CYP20A1: variants seen among roughly 807,000 people sequenced by gnomAD.
CYP20A1 encodes the protein cytochrome P450 family 20 subfamily A member 1.
In CYP20A1, 61 loss-of-function variants were observed where a neutral mutation model predicts 61.4. That is an observed-to-expected ratio of 0.99 (90% CI 0.81 to 1.23). The LOEUF is 1.23. Among genes scored for constraint, CYP20A1 ranks in the 50% most tolerant of loss-of-function variants. The pLI is 0.00. For missense variants in CYP20A1, 530 were observed against 542.4 expected, an observed-to-expected ratio of 0.98 and a Z score of 0.23; for synonymous variants, 193 against 188.2, an observed-to-expected ratio of 1.03 and a Z score of -0.21.
intron 1 of CYP20A1, among the ~76,000 whole-genome samples, chr2:203,239,370 C>G (rs1026433880): frequency 6.6e-6 from 1 of 151,996 alleles, no homozygotes; most frequent in African/African-American, 2.4e-5. Context: ...GCCAGGCGGG[C>G]GTAGAGCTGC....
At chr2:203,267,272 C>T (rs1403153732) in intron 5 of CYP20A1, among the ~76,000 whole-genome samples, 1 of 152,156 alleles carries the variant, frequency 6.6e-6, no homozygotes, top group Non-Finnish European at 1.5e-5. Flanking sequence ...GTGGCTCACA[C>T]CTGTAATCCC....
rs751995409 is a variant in CYP20A1, at chr2:203,266,659, G to A, written c.578G>A (p.Arg193His). 3.1e-6 allele frequency: 5 copies of A among 1,613,790 alleles called. No individual in the cohort carries two copies. Among genetic ancestry groups the A allele is most frequent in the East Asian group, 2.2e-5 (1 of 44,900 alleles). The change falls in exon 5 of 13, where the codon CGC becomes CAC. Residue 193 changes from arginine to histidine, a missense_variant. Arg to His is a conservative substitution (Grantham distance 29, BLOSUM62 0). Coordinates refer to ENST00000356079, the MANE Select transcript of CYP20A1 (RefSeq NM_177538.3). Reference protein sequence around the residue: ...STFEDDQEVIRFQKNHGTVWS... With the variant: ...STFEDDQEVIHFQKNHGTVWS... Reference sequence around the variant, plus strand: ...TTTGAAGATGATCAGGAAGTCATTCGCTTCCAGAAGAATCATGGCACAGTA... The same window carrying A: ...TTTGAAGATGATCAGGAAGTCATTCACTTCCAGAAGAATCATGGCACAGTA...
intron 4 of CYP20A1, 74 bp downstream of exon 4, chr2:203,252,183 T>C: frequency 8.5e-7 from 1 of 1,177,858 alleles, no homozygotes; most frequent in Non-Finnish European, 1.1e-6. Context: ...TATTGGTGTG[T>C]ACTATCTTTG....
At chr2:203,276,355 C>A (rs1594833) in intron 6 of CYP20A1, among the ~76,000 whole-genome samples, 136,131 of 152,090 alleles carry the variant, frequency 0.9, 61,739 homozygotes, top group Non-Finnish European at 0.96. Flanking sequence ...GCAGAGTTAC[C>A]ATCTGAGTTA....
intron 11 of CYP20A1, among the ~76,000 whole-genome samples, chr2:203,292,625 A>G (rs1001258988): frequency 2.0e-5 from 3 of 152,016 alleles, no homozygotes; most frequent in African/African-American, 2.4e-5. Flanking sequence ...CGCCTGGTTC[A>G]TTTTTGTACT....
chr2:203,248,458 C>T (rs1484109715), intron 3 of CYP20A1, among the ~76,000 whole-genome samples: 16 of 151,594 alleles, frequency 1.1e-4, no homozygotes, highest in Non-Finnish European at 1.3e-4. Context: ...CTCTTGAACC[C>T]GGGAGGCAGA....
chr2:203,303,700 G>T lies in CYP20A1; in HGVS notation c.*6792G>T, dbSNP rs549204383. ...ACGAGCGAAAATCCGTCTCAACCAA[G>T]AAAAAAGAAAAAAAGAAAAAGAAAA... On this transcript the variant is annotated 3_prime_UTR_variant, in exon 13 of 13. Transcript: ENST00000356079. Among the ~76,000 whole-genome samples, 1 of 150,784 alleles carries T rather than the reference G, an allele frequency of 6.6e-6. No individual in the cohort carries two copies. The highest frequency in any genetic ancestry group is 2.0e-4 in the East Asian group (1 of 5,098).
intron 7 of CYP20A1, 59 bp downstream of exon 7, chr2:203,278,747 G>GC: frequency 1.1e-6 from 1 of 883,054 alleles, no homozygotes; most frequent in Non-Finnish European, 1.7e-6. Context: ...AGGCACAATG[G>GC]CTCATGACTG....
chr2:203,294,262 G>T (rs1321287997), intron 11 of CYP20A1, among the ~76,000 whole-genome samples: 1 of 151,794 alleles, frequency 6.6e-6, no homozygotes, highest in African/African-American at 2.4e-5. Flanking sequence ...AAAAATAATG[G>T]GCTGGGCACA....
chr2:203,259,343 T>G (rs1352420620), intron 4 of CYP20A1, among the ~76,000 whole-genome samples: 1 of 152,138 alleles, frequency 6.6e-6, no homozygotes, highest in East Asian at 1.9e-4. Context: ...TCCCCAGTGT[T>G]GGGGGTGGGG....
intron 7 of CYP20A1, among the ~76,000 whole-genome samples, chr2:203,279,763 A>G (rs559809638): frequency 1.3e-5 from 2 of 152,298 alleles, no homozygotes; most frequent in East Asian, 3.9e-4. Flanking sequence ...ACTCACAACA[A>G]ATACCCTGAT....
intron 6 of CYP20A1, among the ~76,000 whole-genome samples, chr2:203,277,778 T>A (rs2067885369): frequency 6.6e-6 from 1 of 152,094 alleles, no homozygotes; most frequent in African/African-American, 2.4e-5. Flanking sequence ...CCTCCCAAAG[T>A]GCTGGGATTA....
At chr2:203,258,389 A>T (rs1329465553) in intron 4 of CYP20A1, among the ~76,000 whole-genome samples, 1 of 3,020 alleles carries the variant, frequency 3.3e-4, no homozygotes, top group Admixed American at 6.8e-3. Context: ...CCCTATGTTT[A>T]AAAAAAAAAA....
At chr2:203,244,519 GTTTC>G (rs2066381180) in intron 1 of CYP20A1, among the ~76,000 whole-genome samples, 1 of 151,054 alleles carries the variant, frequency 6.6e-6, no homozygotes, top group Non-Finnish European at 1.5e-5. Flanking sequence ...GTTTTCTTCT[GTTTC>G]TTGCATCATC....
chr2:203,266,627 T>C lies in CYP20A1; in HGVS notation c.546T>C (p.Gly182=). Residue 182 remains glycine, a synonymous_variant, in exon 5 of 13, where the codon GGT becomes GGC. Coordinates refer to ENST00000356079, the MANE Select transcript of CYP20A1 (RefSeq NM_177538.3). ...AMKSVTQMVM[G]STFEDDQEVI... ...AGTCTGTTACACAGATGGTAATGGGTAGTACATTTGAAGATGATCAGGAAG... is the reference window on the plus strand; with the variant it reads ...AGTCTGTTACACAGATGGTAATGGGCAGTACATTTGAAGATGATCAGGAAG... 1.2e-6 allele frequency: 2 copies of C among 1,613,826 alleles called. No homozygotes were observed. Among genetic ancestry groups the C allele is most frequent in the Non-Finnish European group, 1.7e-6 (2 of 1,179,828 alleles).
intron 4 of CYP20A1, among the ~76,000 whole-genome samples, chr2:203,259,433 ATGT>A (rs1559091415): frequency 6.6e-6 from 1 of 151,884 alleles, no homozygotes; most frequent in Non-Finnish European, 1.5e-5. Flanking sequence ...TTCTTGTGAG[ATGT>A]TGTTTAAAAG....
intron 6 of CYP20A1, among the ~76,000 whole-genome samples, chr2:203,273,577 A>T (rs1320125040): frequency 2.0e-5 from 3 of 152,148 alleles, no homozygotes; most frequent in Non-Finnish European, 4.4e-5. Flanking sequence ...AGATGAGAGG[A>T]TCACTTCAGC....
chr2:203,278,410 A>G (rs938999979), intron 6 of CYP20A1, among the ~76,000 whole-genome samples, 163 bp from the exon 7 acceptor site: 24 of 152,232 alleles, frequency 1.6e-4, no homozygotes, highest in Non-Finnish European at 2.8e-4. Flanking sequence ...ATTTGGCAAA[A>G]AAGGAAGAAA....
At chr2:203,294,659 G>A (rs1474290629) in intron 11 of CYP20A1, among the ~76,000 whole-genome samples, 5 of 150,452 alleles carry the variant, frequency 3.3e-5, no homozygotes, top group Non-Finnish European at 7.4e-5. Context: ...TTTTTTGGAC[G>A]GAGTCTCAAT....
Sources: gnomAD v4.1 joint callset for allele counts (sites outside exome capture counted in the v4.1 genomes callset) on GRCh38, gnomAD v4.1.1 for gene constraint, MANE v1.5 for transcripts, NCBI Gene and HGNC (gene_info 2026-07-23, HGNC 2026-07-21) for gene names.